Variants in LTBP1 observed in about 807,000 individuals in gnomAD.
LTBP1 encodes latent transforming growth factor beta binding protein 1, also known as latent-transforming growth factor beta-binding protein 1.
LTBP1 carries 129 observed loss-of-function variants against 207.6 expected under a neutral mutation model. The ratio of observed to expected loss-of-function variants is 0.62; its 90% CI spans 0.54 to 0.72. LTBP1 has a LOEUF of 0.72. LTBP1 is among the 30% of genes least tolerant of loss of function. The pLI is 0.00. For synonymous variants in LTBP1, 963 were observed against 833.7 expected (o/e 1.16, Z -2.67); for missense variants, 2,281 against 2,217.2 (o/e 1.03, Z -0.58).
At chr2:33,085,106 G>C (rs2078673258) in intron 3 of LTBP1, among the ~76,000 whole-genome samples, 1 of 152,128 alleles carries the variant, frequency 6.6e-6, no homozygotes, top group Admixed American at 6.5e-5. Context: ...TAGAGGTAGA[G>C]ATTGGAGTAA....
At position 33,003,209 on chromosome 2, in the gene LTBP1, C is replaced by G. The variant is rs528173474; in HGVS notation, c.566-17700C>G. On this transcript the variant is annotated intron_variant, in intron 2 of 33. Coordinates refer to ENST00000404816, the MANE Select transcript of LTBP1 (RefSeq NM_206943.4). ...AGAGATTGTGTTTAAACAAAACGAC[C>G]TGCTCAAATGTAGAAAGACATTTTG... Among the ~76,000 whole-genome samples the G allele has an allele frequency of 4.6e-5, 7 of 152,288 alleles. 1 individual carries two copies. The South Asian group carries it at 1.2e-3, about 27-fold the overall frequency.
In LTBP1 at chr2:33,098,958, A is replaced by G. The variant is rs115067630; in HGVS notation, c.864-11624A>G. On this transcript the variant is annotated intron_variant, in intron 3 of 33. Coordinates refer to ENST00000404816, the MANE Select transcript of LTBP1 (RefSeq NM_206943.4). ...GTACATACCCAACTGAAGTTTGGCTATGAGTCCTGTTGTTCTAGTATAAGA... is the reference window on the plus strand; with the variant it reads ...GTACATACCCAACTGAAGTTTGGCTGTGAGTCCTGTTGTTCTAGTATAAGA... 7.4e-3 allele frequency among the ~76,000 whole-genome samples: 1,132 copies of G among 152,310 alleles called. 12 individuals carry two copies. Among genetic ancestry groups the G allele is most frequent in the African/African-American group, 0.026 (1,063 of 41,568 alleles).
At chr2:33,005,056 A>AAT (rs1237600773) in intron 2 of LTBP1, among the ~76,000 whole-genome samples, 3 of 152,120 alleles carry the variant, frequency 2.0e-5, no homozygotes, top group Non-Finnish European at 4.4e-5. Context: ...CGACTTGTTC[A>AAT]TACAGCCACA....
intron 3 of LTBP1, among the ~76,000 whole-genome samples, chr2:33,103,888 C>A (rs145136429): frequency 2.0e-5 from 3 of 152,092 alleles, no homozygotes. Flanking sequence ...CTGAAGGTGA[C>A]CCCTGCACTT....
At chr2:33,323,893 T>C (rs1361325782) in intron 24 of LTBP1, among the ~76,000 whole-genome samples, 1 of 152,218 alleles carries the variant, frequency 6.6e-6, no homozygotes, top group Admixed American at 6.5e-5. Flanking sequence ...TAGTAGTGGC[T>C]AAGAAGTTAT....
intron 5 of LTBP1, among the ~76,000 whole-genome samples, chr2:33,155,061 T>TCAAAA (rs201791877): frequency 0.015 from 2,265 of 152,218 alleles, 22 homozygotes; most frequent in East Asian, 0.026. Context: ...AGACTCCATC[T>TCAAAA]CAAAACAAAA....
At chr2:33,348,328 T>C (rs1573957591) in intron 26 of LTBP1, among the ~76,000 whole-genome samples, 2 of 152,316 alleles carry the variant, frequency 1.3e-5, no homozygotes, top group Middle Eastern at 3.4e-3. Flanking sequence ...AAATGAAATA[T>C]GAAAATATTT....
chr2:33,179,739 C>T (rs1410350401), intron 5 of LTBP1, among the ~76,000 whole-genome samples: 4 of 151,274 alleles, frequency 2.6e-5, no homozygotes, highest in African/African-American at 9.9e-5. Context: ...GTCCAGTGCA[C>T]ATTGAAAGCG....
intron 32 of LTBP1, among the ~76,000 whole-genome samples, chr2:33,394,467 T>G (rs1295719944): frequency 6.6e-6 from 1 of 152,234 alleles, no homozygotes; most frequent in Non-Finnish European, 1.5e-5. Context: ...TGAATTAATT[T>G]TTGTATAATT....
At chr2:33,138,321 G>C (rs1302461987) in intron 5 of LTBP1, among the ~76,000 whole-genome samples, 1 of 152,188 alleles carries the variant, frequency 6.6e-6, no homozygotes, top group Non-Finnish European at 1.5e-5. Flanking sequence ...AATGAATATG[G>C]TATCCAAAGG....
Position 33,293,149 on chromosome 2 carries a change from C to T in LTBP1, c.3113-11C>T. On this transcript the variant is annotated splice_polypyrimidine_tract_variant and intron_variant, in intron 19 of 33. Transcript: ENST00000404816. The stretch of plus-strand genomic sequence containing the variant: ...TTTTTTTGTTCTTTCCATTACGCAA[C>T]ATTCTTCAAGATGTGGACGAGTGCC... The T allele has an allele frequency of 6.2e-7, 1 of 1,605,822 alleles. No homozygotes were observed. The highest frequency in any genetic ancestry group is 8.5e-7 in the Non-Finnish European group (1 of 1,178,054).
chr2:33,142,485 G>C (rs887475931), intron 5 of LTBP1, among the ~76,000 whole-genome samples: 1 of 151,638 alleles, frequency 6.6e-6, no homozygotes, highest in Non-Finnish European at 1.5e-5. Flanking sequence ...GTGGTGGGCA[G>C]AGGGCAGGAG....
intron 3 of LTBP1, among the ~76,000 whole-genome samples, chr2:33,024,073 T>G (rs1005267471): frequency 2.0e-5 from 3 of 152,362 alleles, no homozygotes; most frequent in African/African-American, 7.2e-5. Context: ...ATCATCTTGA[T>G]CACTTATTCA....
chr2:32,986,012 T>C (rs904532367), intron 2 of LTBP1, among the ~76,000 whole-genome samples: 27 of 152,130 alleles, frequency 1.8e-4, no homozygotes, highest in Admixed American at 1.6e-3. Flanking sequence ...TTCCTATCAA[T>C]TGCAAGTACA....
chr2:32,982,000 C>T (rs893608378), intron 2 of LTBP1, among the ~76,000 whole-genome samples: 2 of 151,966 alleles, frequency 1.3e-5, no homozygotes, highest in African/African-American at 4.8e-5. Context: ...CTAAAGATAC[C>T]CGAAAATGTG....
At chr2:33,381,855 C>G (rs780625622) in intron 31 of LTBP1, among the ~76,000 whole-genome samples, 48 of 152,074 alleles carry the variant, frequency 3.2e-4, no homozygotes, top group Non-Finnish European at 6.2e-4. Context: ...CCTCACCTGA[C>G]CTTGGGCAAG....
chr2:33,277,198 G>A (rs1053799945), intron 18 of LTBP1, among the ~76,000 whole-genome samples: 2 of 152,180 alleles, frequency 1.3e-5, no homozygotes, highest in African/African-American at 4.8e-5. Context: ...GCCTACACTT[G>A]CCCCTCCTGC....
intron 9 of LTBP1, among the ~76,000 whole-genome samples, chr2:33,229,636 T>C (rs1417443068): frequency 6.6e-6 from 1 of 152,250 alleles, no homozygotes; most frequent in East Asian, 1.9e-4. Context: ...TCACTTGCTA[T>C]CTATTTTGTA....
chr2:33,094,580 A>T (rs2079289738), intron 3 of LTBP1, among the ~76,000 whole-genome samples: 1 of 152,222 alleles, frequency 6.6e-6, no homozygotes, highest in Non-Finnish European at 1.5e-5. Flanking sequence ...GTAGAGTACT[A>T]GACCATTATC....
Sources: gnomAD v4.1 joint callset for allele counts (sites outside exome capture counted in the v4.1 genomes callset) on GRCh38, gnomAD v4.1.1 for gene constraint, MANE v1.5 for transcripts, NCBI Gene and HGNC (gene_info 2026-07-23, HGNC 2026-07-21) for gene names.